The following ARHGEF3 variants were observed in gnomAD, a reference collection of about 807,000 sequenced individuals.
ARHGEF3 encodes the protein 59.8 kDA protein.
In ARHGEF3, 28 loss-of-function variants were observed where a neutral mutation model predicts 63.2. The observed-to-expected ratio is 0.44, with a 90% confidence interval of 0.33 to 0.61. The LOEUF is 0.61. Among genes scored for constraint, ARHGEF3 ranks in the 20% least tolerant of loss-of-function variants. ARHGEF3 has a pLI of 0.03. For missense variants in ARHGEF3, 533 were observed against 659.3 expected (o/e 0.81, Z 2.10); for synonymous variants, 266 against 254.2 (o/e 1.05, Z -0.44).
At chr3:57,055,454 G>C (rs192068343) in intron 1 of ARHGEF3, among the ~76,000 whole-genome samples, 2 of 152,024 alleles carry the variant, frequency 1.3e-5, no homozygotes, top group Non-Finnish European at 2.9e-5. Flanking sequence ...GAGTCACCCC[G>C]CCTGGCCCCT....
chr3:56,839,397 T>C (rs909986363), intron 4 of ARHGEF3, among the ~76,000 whole-genome samples: 2 of 152,128 alleles, frequency 1.3e-5, no homozygotes, highest in Non-Finnish European at 2.9e-5. Flanking sequence ...CAGAACAACA[T>C]TTTGGTTTTT....
chr3:56,774,617 C>T (rs1207760020), intron 1 of ARHGEF3, among the ~76,000 whole-genome samples: 1 of 152,126 alleles, frequency 6.6e-6, no homozygotes, highest in Non-Finnish European at 1.5e-5. Context: ...AAAATAACAG[C>T]CTGGCCAGGC....
intron 7 of ARHGEF3, 36 bp from the exon 8 acceptor site, chr3:56,737,391 A>C: frequency 6.4e-7 from 1 of 1,562,696 alleles, no homozygotes; most frequent in South Asian, 1.1e-5. Context: ...GTATGGAGGA[A>C]AGCAGCAAAC....
At chr3:56,919,108 G>C (rs909151459) in intron 3 of ARHGEF3, among the ~76,000 whole-genome samples, 1 of 152,202 alleles carries the variant, frequency 6.6e-6, no homozygotes, top group East Asian at 1.9e-4. Context: ...TTTTGTCTTA[G>C]GTCAGTTCCA....
chr3:57,005,790 G>A (rs2107065536), intron 2 of ARHGEF3, among the ~76,000 whole-genome samples: 1 of 152,328 alleles, frequency 6.6e-6, no homozygotes, highest in East Asian at 1.9e-4. Context: ...ACCCGGCAGA[G>A]GGCCTCCCTT....
chr3:56,730,975 C>A, intron 9 of ARHGEF3, among the ~76,000 whole-genome samples: 1 of 152,168 alleles, frequency 6.6e-6, no homozygotes, highest in South Asian at 2.1e-4. Flanking sequence ...TAGTTTCTAA[C>A]TTGTAAAATG....
intron 4 of ARHGEF3, among the ~76,000 whole-genome samples, chr3:56,826,134 T>C (rs888082843): frequency 1.8e-4 from 27 of 152,060 alleles, no homozygotes; most frequent in African/African-American, 6.3e-4. Flanking sequence ...TATCTGAGAA[T>C]GAAAGCAACA....
At chr3:56,811,221 G>A (rs948176243) in intron 4 of ARHGEF3, among the ~76,000 whole-genome samples, 1 of 152,174 alleles carries the variant, frequency 6.6e-6, no homozygotes, top group African/African-American at 2.4e-5. Flanking sequence ...TTTACAATCT[G>A]GTATCCAAGG....
chr3:56,920,381 A>G (rs569080324), intron 3 of ARHGEF3, among the ~76,000 whole-genome samples: 3 of 152,198 alleles, frequency 2.0e-5, no homozygotes, highest in Non-Finnish European at 4.4e-5. Context: ...GTATCACTAG[A>G]ACCAGAACCA....
At chr3:56,945,305 G>A (rs1008281561) in intron 3 of ARHGEF3, among the ~76,000 whole-genome samples, 11 of 152,228 alleles carry the variant, frequency 7.2e-5, no homozygotes, top group Non-Finnish European at 1.5e-4. Flanking sequence ...AGCGTGAGCC[G>A]AAGCAGGGTG....
chr3:57,002,196 C>T (rs1702223704), intron 2 of ARHGEF3, among the ~76,000 whole-genome samples: 1 of 151,190 alleles, frequency 6.6e-6, no homozygotes, highest in Non-Finnish European at 1.5e-5. Flanking sequence ...CAGGCGTGAG[C>T]CACCGGGCCC....
chr3:57,027,773 C>T (rs187148689), intron 2 of ARHGEF3, among the ~76,000 whole-genome samples: 5 of 152,158 alleles, frequency 3.3e-5, no homozygotes, highest in East Asian at 1.9e-4. Flanking sequence ...GCAGGAGAAT[C>T]GCTTGAACCT....
intron 4 of ARHGEF3, among the ~76,000 whole-genome samples, chr3:56,849,010 T>A (rs886762396): frequency 9.8e-5 from 15 of 152,314 alleles, no homozygotes; most frequent in African/African-American, 3.6e-4. Context: ...CAGCGGCTTT[T>A]TAAAGAGGCT....
intron 3 of ARHGEF3, among the ~76,000 whole-genome samples, chr3:56,889,153 G>A (rs2041029209): frequency 6.6e-6 from 1 of 151,986 alleles, no homozygotes; most frequent in African/African-American, 2.4e-5. Context: ...ACACTCTGTG[G>A]CTATCTCTTT....
At position 56,732,070 on chromosome 3, in the gene ARHGEF3, G is replaced by A; in HGVS notation, c.1228+168C>T. 5.2e-6 allele frequency: 4 copies of A among 774,596 alleles called. No individual in the cohort carries two copies. The South Asian group carries it at 7.3e-5, about 14-fold the overall frequency. 48.0% of individuals were successfully genotyped at this position (774,596 alleles called of 1,614,324 possible). On this transcript the variant is annotated intron_variant, in intron 9 of 9. Coordinates refer to ENST00000296315, the MANE Select transcript of ARHGEF3 (RefSeq NM_019555.3). Reference sequence around the variant, plus strand: ...ATTTCCATTTTGGAGATGAGAAACTGAGAATCACAGGGACTAAACAAAGTA... The same window carrying A: ...ATTTCCATTTTGGAGATGAGAAACTAAGAATCACAGGGACTAAACAAAGTA...
At chr3:56,838,805 T>C (rs2039209189) in intron 4 of ARHGEF3, among the ~76,000 whole-genome samples, 1 of 152,052 alleles carries the variant, frequency 6.6e-6, no homozygotes, top group East Asian at 1.9e-4. Context: ...CAGATGGTCA[T>C]TGTGTGTCAT....
At chr3:57,036,564 G>A (rs1173030245) in intron 1 of ARHGEF3, among the ~76,000 whole-genome samples, 1 of 152,108 alleles carries the variant, frequency 6.6e-6, no homozygotes, top group Admixed American at 6.5e-5. Flanking sequence ...CACCACTCTG[G>A]GTGTGGTTGA....
intron 1 of ARHGEF3, among the ~76,000 whole-genome samples, chr3:57,037,684 C>T (rs1704018215): frequency 6.6e-6 from 1 of 152,170 alleles, no homozygotes; most frequent in African/African-American, 2.4e-5. Context: ...ACCATCCTGG[C>T]TAACACGGTG....
At chr3:56,896,057 G>A (rs2041291777) in intron 3 of ARHGEF3, among the ~76,000 whole-genome samples, 1 of 152,212 alleles carries the variant, frequency 6.6e-6, no homozygotes, top group African/African-American at 2.4e-5. Context: ...GAGTTGTGTG[G>A]TGAGAGTATA....
Sources: allele counts gnomAD v4.1 joint callset (sites outside exome capture counted in the v4.1 genomes callset), GRCh38; gene constraint gnomAD v4.1.1; transcripts MANE v1.5; gene names NCBI Gene and HGNC (gene_info 2026-07-23, HGNC 2026-07-21).